Variants in WNK3 observed in about 807,000 individuals in gnomAD.
WNK3 encodes serine/threonine-protein kinase WNK3.
WNK3 carries 18 observed loss-of-function variants against 116.7 expected under a neutral mutation model. The ratio of observed to expected loss-of-function variants is 0.15; its 90% confidence interval spans 0.11 to 0.23. WNK3 has a LOEUF of 0.23. Among genes scored for constraint, WNK3 ranks in the 10% least tolerant of loss-of-function variants. WNK3 has a pLI of 1.00. For synonymous variants in WNK3, 404 were observed against 469.4 expected, an observed-to-expected ratio of 0.86 and a Z score of 1.80; for missense variants, 993 against 1,323.8, an observed-to-expected ratio of 0.75 and a Z score of 3.88.
At chrX:54,284,127 G>T (rs1042308565) in intron 10 of WNK3, among the ~76,000 whole-genome samples, 1 of 111,043 alleles carries the variant, frequency 9.0e-6, no homozygotes, top group Non-Finnish European at 1.9e-5. Context: ...AAAGACTGGA[G>T]AATATATTTA....
At chrX:54,299,449 GTTTTTTTTT>G (rs11383477) in intron 6 of WNK3, among the ~76,000 whole-genome samples, 1 of 83,706 alleles carries the variant, frequency 1.2e-5, no homozygotes, top group African/African-American at 4.6e-5. Flanking sequence ...GTGTTTTGGT[GTTTTTTTTT>G]TTTTTTTTTG....
chrX:54,239,389 C>G (rs1433930104), intron 17 of WNK3, among the ~76,000 whole-genome samples: 2 of 110,636 alleles, frequency 1.8e-5, no homozygotes, highest in Non-Finnish European at 3.8e-5. Context: ...TATTAATCTT[C>G]TACCCCAGAA....
chrX:54,322,236 T>C (rs1015322652), intron 2 of WNK3, among the ~76,000 whole-genome samples: 1 of 111,782 alleles, frequency 8.9e-6, no homozygotes, highest in Non-Finnish European at 1.9e-5. Context: ...CTTCTGATTA[T>C]AATTTAGCTC....
rs781817327 is a variant in WNK3 at position 54,205,044 on chromosome X, C to T, written c.4871-2851G>A. On this transcript the variant is annotated intron_variant, in intron 22 of 23. Coordinates refer to ENST00000354646, the Ensembl canonical transcript of WNK3. ...CAGCTTGGCCAACATGGTGAAACCC[C>T]GTCTCTACCAAAAATACAAAATTAG... 4.5e-5 allele frequency among the ~76,000 whole-genome samples: 5 copies of T among 111,636 alleles called. No homozygotes were observed. The East Asian group carries it at 1.1e-3, about 25-fold the overall frequency.
At chrX:54,222,872 T>A (rs2067780558) in intron 22 of WNK3, among the ~76,000 whole-genome samples, 1 of 88,157 alleles carries the variant, frequency 1.1e-5, no homozygotes, top group Non-Finnish European at 2.1e-5. Flanking sequence ...TGAGACTCTG[T>A]CTCAAAAAAA....
intron 2 of WNK3, among the ~76,000 whole-genome samples, chrX:54,312,882 T>A (rs2068904353): frequency 9.0e-6 from 1 of 111,628 alleles, no homozygotes; most frequent in African/African-American, 3.2e-5. Context: ...TTTTTCTGAA[T>A]TCCCTCTTCC....
intron 7 of WNK3, 53 bp from the exon 8 acceptor site, chrX:54,294,900 C>CGA: frequency 1.1e-6 from 1 of 899,702 alleles, no homozygotes; most frequent in South Asian, 2.9e-5. Context: ...AAGATTTTAA[C>CGA]TTTTTTTTTT....
At chrX:54,279,936 C>T (rs1476159194) in intron 10 of WNK3, among the ~76,000 whole-genome samples, 1 of 112,326 alleles carries the variant, frequency 8.9e-6, no homozygotes, top group Admixed American at 9.5e-5. Context: ...TTAGGAAAAG[C>T]AGGATATTTG....
At chrX:54,253,597 G>A (rs1270085227) in intron 13 of WNK3, among the ~76,000 whole-genome samples, 2 of 111,808 alleles carry the variant, frequency 1.8e-5, no homozygotes, top group Non-Finnish European at 3.8e-5. Context: ...AGAATTACCT[G>A]GGGAGCTTTA....
intron 2 of WNK3, among the ~76,000 whole-genome samples, chrX:54,327,946 G>A (rs1444804641): frequency 1.8e-5 from 2 of 108,644 alleles, no homozygotes; most frequent in Non-Finnish European, 3.8e-5. Flanking sequence ...TCCAGCCTGG[G>A]TGACAGAGGG....
exon 24 of WNK3, chrX:54,197,325 C>T (rs1367942968): frequency 8.9e-6 from 1 of 112,263 alleles, no homozygotes; most frequent in African/African-American, 3.2e-5. Flanking sequence ...AAAACAGCAG[C>T]AGTATCTGCA....
intron 1 of WNK3, among the ~76,000 whole-genome samples, chrX:54,344,977 C>T (rs1291805104): frequency 9.5e-6 from 1 of 105,184 alleles, no homozygotes; most frequent in African/African-American, 3.5e-5. Flanking sequence ...AGGCCGGGCG[C>T]GGTGGCTCCC....
At chrX:54,291,931 C>T (rs1320994796) in intron 10 of WNK3, among the ~76,000 whole-genome samples, 4 of 111,395 alleles carry the variant, frequency 3.6e-5, no homozygotes, top group Non-Finnish European at 5.6e-5. Context: ...GGAAGACAAA[C>T]GCAAGGTATG....
intron 22 of WNK3, among the ~76,000 whole-genome samples, chrX:54,221,894 C>T (rs969112657): frequency 4.6e-5 from 5 of 109,096 alleles, no homozygotes; most frequent in African/African-American, 1.7e-4. Flanking sequence ...TGGTGGCTCA[C>T]GCCTGTAATC....
chrX:54,198,286 C>A, exon 24 of WNK3: 1 of 1,064,802 alleles, frequency 9.4e-7, no homozygotes, highest in Non-Finnish European at 1.2e-6. Flanking sequence ...GAAAATAATT[C>A]TGAAAAAACC....
At chrX:54,267,616 T>C (rs1557158056) in intron 10 of WNK3, among the ~76,000 whole-genome samples, 1 of 109,578 alleles carries the variant, frequency 9.1e-6, no homozygotes, top group African/African-American at 3.3e-5. Context: ...TGAAACCCCA[T>C]CTCTACTAAA....
intron 1 of WNK3, among the ~76,000 whole-genome samples, chrX:54,344,372 G>A (rs1468562091): frequency 9.0e-6 from 1 of 110,792 alleles, no homozygotes; most frequent in Non-Finnish European, 1.9e-5. Flanking sequence ...CCTGGGAGGC[G>A]GAGCTTGCAG....
At chrX:54,289,693 T>G (rs2068618601) in intron 10 of WNK3, among the ~76,000 whole-genome samples, 1 of 111,172 alleles carries the variant, frequency 9.0e-6, no homozygotes, top group Non-Finnish European at 1.9e-5. Flanking sequence ...TGATACTGAA[T>G]GTATCTTTTG....
intron 10 of WNK3, among the ~76,000 whole-genome samples, chrX:54,288,030 T>C (rs782604206): frequency 8.9e-6 from 1 of 111,973 alleles, no homozygotes; most frequent in Non-Finnish European, 1.9e-5. Context: ...AGAGCTTTGA[T>C]AGAGGGTCTG....
Sources: gnomAD v4.1 joint callset for allele counts (sites outside exome capture counted in the v4.1 genomes callset) on GRCh38, gnomAD v4.1.1 for gene constraint, MANE v1.5 for transcripts, NCBI Gene and HGNC (gene_info 2026-07-23, HGNC 2026-07-21) for gene names.